IFNAR2: variants seen among roughly 807,000 people sequenced by gnomAD.
IFNAR2 encodes the protein interferon alpha and beta receptor subunit 2.
In IFNAR2, 30 loss-of-function variants were observed where a neutral mutation model predicts 49.4. That is an observed-to-expected ratio of 0.61 (90% CI 0.45 to 0.82). The LOEUF (loss-of-function observed/expected upper bound fraction) is 0.82, where lower values mean the gene tolerates loss of function less well. IFNAR2 is among the 40% of genes least tolerant of loss of function. The pLI, the probability that IFNAR2 is intolerant of heterozygous loss-of-function variation, is 0.00. For synonymous variants in IFNAR2, 224 were observed against 234.5 expected, an observed-to-expected ratio of 0.96 and a Z score of 0.41; for missense variants, 600 against 622.7, an observed-to-expected ratio of 0.96 and a Z score of 0.39.
At chr21:33,256,367 A>G (rs1988209474) in intron 7 of IFNAR2, among the ~76,000 whole-genome samples, 1 of 152,216 alleles carries the variant, frequency 6.6e-6, no homozygotes, top group East Asian at 1.9e-4. Flanking sequence ...CCTGATGTCA[A>G]ATTCTTGTTT....
rs377508872 is a variant in IFNAR2 at position 33,258,833 on chromosome 21, C to T, written c.710-1764C>T. Among the ~76,000 whole-genome samples, 14 of 152,242 alleles carry T rather than the reference C, an allele frequency of 9.2e-5. No individual in the cohort carries two copies. The East Asian group carries it at 2.3e-3, about 25-fold the overall frequency. On this transcript the variant is annotated intron_variant, in intron 7 of 8. Transcript: ENST00000342136. ...AGCCGTTGCAAGAGATGGGGACCCT[C>T]AGAGGGTTGTGAGCAGGTTGCTCTC...
At chr21:33,234,257 G>A (rs112703113) in intron 1 of IFNAR2, among the ~76,000 whole-genome samples, 14 of 150,152 alleles carry the variant, frequency 9.3e-5, no homozygotes, top group South Asian at 4.3e-4. Flanking sequence ...GATTATGTTC[G>A]CCTAATATTA....
intron 4 of IFNAR2, 33 bp downstream of exon 4, chr21:33,245,107 CAT>C: frequency 6.6e-7 from 1 of 1,513,812 alleles, no homozygotes; most frequent in East Asian, 2.3e-5. Flanking sequence ...TCTTGGTAAA[CAT>C]ATTATTGTTC....
chr21:33,231,825 T>C (rs1601780984), intron 1 of IFNAR2: 1 of 228,524 alleles, frequency 4.4e-6, no homozygotes, highest in Non-Finnish European at 7.2e-6. Context: ...CACTGCAACC[T>C]CCCCCTCCTG....
At chr21:33,236,653 A>G (rs564067253) in intron 1 of IFNAR2, 2 of 981,388 alleles carry the variant, frequency 2.0e-6, no homozygotes, top group Non-Finnish European at 2.4e-6. Flanking sequence ...TGTTAGGCAT[A>G]GAGATTGAAG....
chr21:33,262,622 T>A, intron 8 of IFNAR2, 171 bp from the exon 9 acceptor site: 1 of 914,340 alleles, frequency 1.1e-6, no homozygotes, highest in East Asian at 2.6e-5. Context: ...CATAATGCAC[T>A]ACAGTCTGAA....
intron 1 of IFNAR2, among the ~76,000 whole-genome samples, chr21:33,231,562 G>T (rs529270076): frequency 6.6e-6 from 1 of 152,216 alleles, no homozygotes; most frequent in Admixed American, 6.5e-5. Context: ...AACCCTAGAG[G>T]TACTGTCATA....
chr21:33,233,446 T>C (rs763484465), intron 1 of IFNAR2, among the ~76,000 whole-genome samples: 8 of 152,200 alleles, frequency 5.3e-5, no homozygotes, highest in African/African-American at 9.7e-5. Context: ...GAACATGCCA[T>C]GTTCCAGAAA....
intron 5 of IFNAR2, among the ~76,000 whole-genome samples, chr21:33,247,172 A>C (rs1987485617): frequency 6.6e-6 from 1 of 151,608 alleles, no homozygotes; most frequent in African/African-American, 2.4e-5. Flanking sequence ...CCTGACAGGA[A>C]GTCTGGAGCC....
chr21:33,240,089 T>G (rs970205336), intron 1 of IFNAR2, among the ~76,000 whole-genome samples: 6 of 152,186 alleles, frequency 3.9e-5, no homozygotes, highest in Admixed American at 6.5e-5. Flanking sequence ...CAGGCCTCAA[T>G]GTTGTGAGCT....
At position 33,241,855 on chromosome 21, in the gene IFNAR2, C is replaced by G; in HGVS notation, c.-68C>G. 6.3e-7 allele frequency: 1 copy of G among 1,599,658 alleles called. No homozygotes were observed. The highest frequency in any genetic ancestry group is 8.5e-7 in the Non-Finnish European group (1 of 1,172,956). ...ATATTTGCAGTTTAATTAGACACTT[C>G]AGAATTTTGATCACCTAATGTTGAT... On this transcript the variant is annotated 5_prime_UTR_variant, in exon 2 of 9. Coordinates refer to ENST00000342136, the MANE Select transcript of IFNAR2 (RefSeq NM_001289125.3).
chr21:33,262,628 C>G, intron 8 of IFNAR2, 165 bp from the exon 9 acceptor site: 1 of 970,338 alleles, frequency 1.0e-6, no homozygotes, highest in African/African-American at 1.6e-5. Flanking sequence ...GCACTACAGT[C>G]TGAAACTCCT....
rs964750899 is a variant in IFNAR2, at chr21:33,229,978, C to T, written c.-322C>T. On this transcript the variant is annotated 5_prime_UTR_variant, in exon 1 of 9. Transcript: ENST00000342136. ...GGCCGGGGCTCGGCGCGCGCACCCGCACTAAAGACGCTTCTTCCCGGCGGG... is the reference window on the plus strand; with the variant it reads ...GGCCGGGGCTCGGCGCGCGCACCCGTACTAAAGACGCTTCTTCCCGGCGGG... The T allele has an allele frequency of 5.2e-5, 51 of 984,516 alleles. No individual in the cohort carries two copies. In the African/African-American group the frequency reaches 7.5e-4, roughly 15 times the overall value. 61.0% of individuals were successfully genotyped at this position (984,516 alleles called of 1,614,324 possible). A position where few individuals can be genotyped will look rare whatever the true frequency, so the allele number is the denominator to read the frequency against.
chr21:33,247,254 C>CTTTTTTTTTTT lies in IFNAR2; in HGVS notation c.394+369_394+379dup, dbSNP rs59707670. On this transcript the variant is annotated intron_variant, in intron 5 of 8. Transcript: ENST00000342136. The stretch of plus-strand genomic sequence containing the variant: ...ATTTTCTTTCTTTCTTTCTTTCTTT[C>CTTTTTTTTTTT]TTTTTTTTTTTTTTTGAGATGGAGT... 5.9e-3 allele frequency among the ~76,000 whole-genome samples: 538 copies of CTTTTTTTTTTT among 91,488 alleles called. 33 individuals are homozygous for CTTTTTTTTTTT. The highest frequency in any genetic ancestry group is 0.02 in the African/African-American group (477 of 23,730). 60.0% of individuals were successfully genotyped at this position (91,488 alleles called of 152,430 possible).
chr21:33,261,144 C>A (rs1168533579), intron 8 of IFNAR2, among the ~76,000 whole-genome samples: 2 of 146,070 alleles, frequency 1.4e-5, no homozygotes, highest in African/African-American at 2.6e-5. Context: ...TCAAGCAATT[C>A]TCGTGCCTCA....
chr21:33,260,833 C>CTTCTG, intron 8 of IFNAR2, 106 bp downstream of exon 8: 3 of 658,348 alleles, frequency 4.6e-6, no homozygotes, highest in Non-Finnish European at 7.0e-6. Flanking sequence ...ATCTCATTTT[C>CTTCTG]TATAAACACC....
chr21:33,231,747 T>G, intron 1 of IFNAR2: 1 of 956,236 alleles, frequency 1.0e-6, no homozygotes, highest in Non-Finnish European at 1.2e-6. Context: ...TTTGGTTTGG[T>G]TTGGTTTGGT....
chr21:33,240,220 A>G (rs903582053), intron 1 of IFNAR2, among the ~76,000 whole-genome samples: 1 of 152,240 alleles, frequency 6.6e-6, no homozygotes, highest in African/African-American at 2.4e-5. Context: ...CGATAGCCCC[A>G]TAAGATTATA....
chr21:33,230,247 G>C lies in IFNAR2; in HGVS notation c.-84+31G>C. 9.1e-7 allele frequency: 1 copy of C among 1,095,648 alleles called. No individual in the cohort carries two copies. The highest frequency in any genetic ancestry group is 1.1e-6 in the Non-Finnish European group (1 of 892,366). The allele number at this position is 1,095,648 out of a possible 1,614,324, so 67.9% of individuals were successfully genotyped here. On this transcript the variant is annotated intron_variant, in intron 1 of 8. Transcript: ENST00000342136. This position sits in a 1 kb window ranked among gnomAD's most constrained non-coding sequence, Gnocchi z 5.5. ...GCAGCGTGGCGGGGTCGCGGGAGCGGAGCGCGTGGCCAGCTGACTGGAGGG... is the reference window on the plus strand; with the variant it reads ...GCAGCGTGGCGGGGTCGCGGGAGCGCAGCGCGTGGCCAGCTGACTGGAGGG...
Sources: gnomAD v4.1 joint callset for allele counts (sites outside exome capture counted in the v4.1 genomes callset) on GRCh38, gnomAD v4.1.1 for gene constraint, Gnocchi (gnomAD v3.1) non-coding constraint, MANE v1.5 for transcripts, NCBI Gene and HGNC (gene_info 2026-07-23, HGNC 2026-07-21) for gene names.